The following AGPAT3 variants were observed in gnomAD, a reference collection of about 807,000 sequenced individuals.
AGPAT3 encodes the protein 1-acyl-sn-glycerol-3-phosphate acyltransferase gamma.
A neutral mutation model predicts 47.3 loss-of-function variants in AGPAT3; 5 were observed. The observed-to-expected ratio is 0.11, with a 90% CI of 0.06 to 0.22. The LOEUF is 0.22. Ranked by LOEUF, AGPAT3 falls within the 10% of genes least tolerant of loss-of-function variation. AGPAT3 has a pLI of 1.00. For synonymous variants in AGPAT3, 212 were observed against 208.3 expected, an observed-to-expected ratio of 1.02 and a Z score of -0.15; for missense variants, 315 against 493.0, an observed-to-expected ratio of 0.64 and a Z score of 3.42.
chr21:43,985,323 T>A lies in AGPAT3; in HGVS notation c.*2931T>A. The A allele has an allele frequency of 2.4e-6, 1 of 413,536 alleles. No homozygotes were observed. Among genetic ancestry groups the A allele is most frequent in the Non-Finnish European group, 4.9e-6 (1 of 204,158 alleles). 25.6% of individuals were successfully genotyped at this position (413,536 alleles called of 1,614,324 possible). A position where few individuals can be genotyped will look rare whatever the true frequency, so the allele number is the denominator to read the frequency against. On this transcript the variant is annotated 3_prime_UTR_variant, in exon 10 of 10. Transcript: ENST00000291572. ...AGGTCCCTGTCCTCAGGAAGCGCAG[T>A]CTGGTGGAAGAGATGAGCGCTGAAC...
intron 2 of AGPAT3, chr21:43,950,715 G>A (rs1285696452): frequency 6.6e-6 from 1 of 152,290 alleles, no homozygotes; most frequent in African/African-American, 2.4e-5. Flanking sequence ...CCCAGGTAGT[G>A]CTGTCAGCGG....
At chr21:43,918,193 G>GCGGC (rs1448035417) in intron 2 of AGPAT3, among the ~76,000 whole-genome samples, 296 of 82,282 alleles carry the variant, frequency 3.6e-3, no homozygotes, top group Non-Finnish European at 6.7e-3. Context: ...TGTGGGTGTT[G>GCGGC]GGTTGTGGAG....
chr21:43,950,732 TG>T (rs2088152844), intron 2 of AGPAT3: 1 of 152,430 alleles, frequency 6.6e-6, no homozygotes, highest in East Asian at 1.9e-4. Context: ...GCGGCATGCC[TG>T]CCTTCTGCAA....
intron 2 of AGPAT3, among the ~76,000 whole-genome samples, chr21:43,951,763 G>A (rs763633663): frequency 2.0e-5 from 3 of 152,182 alleles, no homozygotes; most frequent in Admixed American, 6.5e-5. Flanking sequence ...CGAAGTTGCC[G>A]TCCTATGTGT....
chr21:43,882,676 C>T (rs1382881006), intron 1 of AGPAT3: 1 of 152,364 alleles, frequency 6.6e-6, no homozygotes, highest in African/African-American at 2.4e-5. Context: ...CCTTCCATCA[C>T]TGCAACAGCA....
chr21:43,977,795 G>A (rs2089675563), intron 7 of AGPAT3, among the ~76,000 whole-genome samples: 1 of 151,958 alleles, frequency 6.6e-6, no homozygotes, highest in Non-Finnish European at 1.5e-5. Flanking sequence ...GCTGAGGCAG[G>A]AGAATCACTT....
intron 7 of AGPAT3, among the ~76,000 whole-genome samples, chr21:43,972,061 C>A (rs2089419404): frequency 6.6e-6 from 1 of 152,192 alleles, no homozygotes; most frequent in Admixed American, 6.5e-5. Context: ...TGGCTTTCTG[C>A]TGGCCCTGGT....
intron 3 of AGPAT3, chr21:43,965,725 C>T (rs1298889588): frequency 1.3e-5 from 2 of 152,090 alleles, no homozygotes; most frequent in Non-Finnish European, 2.9e-5. Context: ...ATTCTCGTGC[C>T]CCAGCCTCCC....
intron 7 of AGPAT3, among the ~76,000 whole-genome samples, chr21:43,977,239 A>G (rs1601479158): frequency 1.3e-5 from 2 of 152,312 alleles, no homozygotes; most frequent in East Asian, 3.9e-4. Context: ...TTCATAATGG[A>G]GATGAAAATG....
intron 1 of AGPAT3, among the ~76,000 whole-genome samples, chr21:43,898,115 A>G (rs976886202): frequency 6.6e-5 from 10 of 152,210 alleles, no homozygotes; most frequent in African/African-American, 2.2e-4. Context: ...GGGAGACCGA[A>G]AAAAGAAAGA....
intron 3 of AGPAT3, chr21:43,960,668 T>C (rs1267513188): frequency 6.8e-6 from 6 of 880,580 alleles, no homozygotes; most frequent in Non-Finnish European, 8.2e-6. Flanking sequence ...CACCTGTCAC[T>C]GGAGACTAAT....
rs750174498 is a variant in AGPAT3 at position 43,865,833 on chromosome 21, G to T, written c.-112+488G>T. Reference sequence around the variant, plus strand: ...CTGGTTTCGGGGCGCGGCGGACCCGGGACCCCCCCCAGGGGCCTCCTCCTC... The same window carrying T: ...CTGGTTTCGGGGCGCGGCGGACCCGTGACCCCCCCCAGGGGCCTCCTCCTC... On this transcript the variant is annotated intron_variant, in intron 1 of 9. Coordinates refer to ENST00000291572, the MANE Select transcript of AGPAT3 (RefSeq NM_020132.5). 1.5e-4 allele frequency among the ~76,000 whole-genome samples: 23 copies of T among 152,134 alleles called. No homozygotes were observed. In the South Asian group the frequency reaches 2.7e-3, roughly 18 times the overall value.
rs201025046 is a variant in AGPAT3, at chr21:43,959,339, C to T, written c.-48-295C>T. Among the ~76,000 whole-genome samples the T allele has an allele frequency of 6.6e-3, 537 of 81,124 alleles. 3 individuals carry two copies. Among genetic ancestry groups the T allele is most frequent in the African/African-American group, 0.025 (494 of 20,064 alleles). The allele number at this position is 81,124 out of a possible 152,430, so 53.2% of individuals were successfully genotyped here. A position where few individuals can be genotyped will look rare whatever the true frequency, so the allele number is the denominator to read the frequency against. On this transcript the variant is annotated intron_variant, in intron 2 of 9. Transcript: ENST00000291572. ...CGTGTGTGTGGTTGTGTGTGTGTGG[C>T]GTGTGTGTGGTATGTGTGTGGCATG...
chr21:43,931,898 C>A (rs1290425661), intron 2 of AGPAT3, among the ~76,000 whole-genome samples: 1 of 150,592 alleles, frequency 6.6e-6, no homozygotes, highest in Admixed American at 6.6e-5. Flanking sequence ...TGTTTCCGTT[C>A]TGCTTTTTAC....
chr21:43,983,963 C>A lies in AGPAT3; in HGVS notation c.*1571C>A, dbSNP rs1343204940. ...ATAATTAGGCATCGGGCCTAAGTGTCCTGGGGAGATTGGAGGGGACGGCAG... is the reference window on the plus strand; with the variant it reads ...ATAATTAGGCATCGGGCCTAAGTGTACTGGGGAGATTGGAGGGGACGGCAG... On this transcript the variant is annotated 3_prime_UTR_variant, in exon 10 of 10. Transcript: ENST00000291572. 1 of 152,210 alleles carries A rather than the reference C, an allele frequency of 6.6e-6. No individual in the cohort carries two copies. The highest frequency in any genetic ancestry group is 1.5e-5 in the Non-Finnish European group (1 of 68,034). The allele number at this position is 152,210 out of a possible 1,614,324, so 9.4% of individuals were successfully genotyped here. A position where few individuals can be genotyped will look rare whatever the true frequency, so the allele number is the denominator to read the frequency against.
At chr21:43,918,059 T>G (rs71316195) in intron 2 of AGPAT3, among the ~76,000 whole-genome samples, 54,223 of 120,270 alleles carry the variant, frequency 0.45, 13,036 homozygotes, top group African/African-American at 0.57. Flanking sequence ...GGGTTGTGGG[T>G]GTTGGGGTTG....
chr21:43,885,631 G>T (rs974280547), intron 1 of AGPAT3, among the ~76,000 whole-genome samples: 1 of 152,036 alleles, frequency 6.6e-6, no homozygotes, highest in African/African-American at 2.4e-5. Context: ...TGATCCACCC[G>T]CCTTGGCCTC....
chr21:43,941,977 G>A (rs930201214), intron 2 of AGPAT3, among the ~76,000 whole-genome samples: 3 of 152,276 alleles, frequency 2.0e-5, no homozygotes, highest in African/African-American at 7.2e-5. Flanking sequence ...TCAGCCTGCT[G>A]ACCAGGTGGC....
intron 2 of AGPAT3, among the ~76,000 whole-genome samples, chr21:43,944,611 G>T (rs1036898720): frequency 2.6e-5 from 4 of 152,238 alleles, no homozygotes; most frequent in African/African-American, 9.6e-5. Context: ...AACCAGCCTT[G>T]TTCCTCAGAC....
Sources: gnomAD v4.1 joint callset for allele counts (sites outside exome capture counted in the v4.1 genomes callset) on GRCh38, gnomAD v4.1.1 for gene constraint, MANE v1.5 for transcripts, NCBI Gene and HGNC (gene_info 2026-07-23, HGNC 2026-07-21) for gene names.